The following GC variants were observed in gnomAD, a reference collection of about 807,000 sequenced individuals.
GC encodes vitamin D-binding protein.
A neutral mutation model predicts 56.7 loss-of-function variants in GC; 43 were observed. That is an observed-to-expected ratio of 0.76 (90% CI 0.59 to 0.98). The LOEUF (loss-of-function observed/expected upper bound fraction) is 0.98. Among genes scored for constraint, GC ranks in the 50% least tolerant of loss-of-function variants. The pLI is 0.00. For synonymous variants in GC, 216 were observed against 202.7 expected, an observed-to-expected ratio of 1.07 and a Z score of -0.56; for missense variants, 529 against 545.9, an observed-to-expected ratio of 0.97 and a Z score of 0.31.
At chr4:71,798,695 T>A (rs1429272411) in intron 1 of GC, among the ~76,000 whole-genome samples, 1 of 152,216 alleles carries the variant, frequency 6.6e-6, no homozygotes, top group African/African-American at 2.4e-5. Context: ...CTTTCTTTAT[T>A]AGTGTATTAA....
At chr4:71,789,924 C>A (rs1049295096) in intron 1 of GC, among the ~76,000 whole-genome samples, 2 of 151,772 alleles carry the variant, frequency 1.3e-5, no homozygotes, top group African/African-American at 2.4e-5. Context: ...TGCAGGCAGC[C>A]CCTAGATGCT....
At chr4:71,753,540 A>G (rs1257769297) in intron 10 of GC, among the ~76,000 whole-genome samples, 1 of 151,730 alleles carries the variant, frequency 6.6e-6, no homozygotes, top group East Asian at 1.9e-4. Flanking sequence ...GAAATTTACT[A>G]ACGTTAGGAA....
chr4:71,762,216 T>C (rs143078190), intron 6 of GC, among the ~76,000 whole-genome samples: 146 of 152,318 alleles, frequency 9.6e-4, no homozygotes, highest in Middle Eastern at 3.4e-3. Context: ...ATATGAGACA[T>C]GGAGTCAAAG....
chr4:71,744,026 A>C (rs191691073), intron 12 of GC, among the ~76,000 whole-genome samples: 3 of 152,292 alleles, frequency 2.0e-5, no homozygotes, highest in Non-Finnish European at 4.4e-5. Context: ...AATGATAAGA[A>C]ATTTCATTTC....
chr4:71,790,911 C>A (rs934507403), intron 1 of GC, among the ~76,000 whole-genome samples: 14 of 151,910 alleles, frequency 9.2e-5, no homozygotes, highest in Non-Finnish European at 1.5e-5. Flanking sequence ...AGCTATCCCT[C>A]CCCTCTCCCC....
chr4:71,767,642 A>G (rs1425862796), intron 3 of GC, among the ~76,000 whole-genome samples: 5 of 148,540 alleles, frequency 3.4e-5, no homozygotes, highest in Non-Finnish European at 7.4e-5. Flanking sequence ...TATAATATAT[A>G]AAATGTATAT....
At chr4:71,752,452 G>A in intron 11 of GC, 66 bp downstream of exon 11, 16 of 1,270,632 alleles carry the variant, frequency 1.3e-5, no homozygotes, top group Non-Finnish European at 1.8e-5. Context: ...AAAGAAATGA[G>A]TAGATTGGAG....
At chr4:71,759,944 A>G (rs1741907788) in intron 6 of GC, among the ~76,000 whole-genome samples, 1 of 152,186 alleles carries the variant, frequency 6.6e-6, no homozygotes, top group Non-Finnish European at 1.5e-5. Flanking sequence ...CTGTCAAACT[A>G]CTATCTCTAC....
chr4:71,795,065 G>A (rs1169022491), intron 1 of GC, among the ~76,000 whole-genome samples: 1 of 152,164 alleles, frequency 6.6e-6, no homozygotes, highest in Non-Finnish European at 1.5e-5. Flanking sequence ...GCTAGGAAGT[G>A]TTTTACTTCC....
chr4:71,742,774 A>G (rs1055337941), intron 12 of GC, among the ~76,000 whole-genome samples: 2 of 152,168 alleles, frequency 1.3e-5, no homozygotes, highest in African/African-American at 2.4e-5. Flanking sequence ...GAAGATGGAG[A>G]CCATCCTGGC....
intron 11 of GC, among the ~76,000 whole-genome samples, chr4:71,746,470 G>T (rs980218389): frequency 5.9e-5 from 9 of 151,780 alleles, no homozygotes; most frequent in African/African-American, 2.2e-4. Context: ...CTAATTATTG[G>T]GTGCAAACAG....
intron 10 of GC, among the ~76,000 whole-genome samples, chr4:71,753,415 G>A (rs1490396121): frequency 6.6e-6 from 1 of 150,902 alleles, no homozygotes; most frequent in Non-Finnish European, 1.5e-5. Context: ...GTTCATAAAA[G>A]CATTGTTGAA....
At chr4:71,799,616 G>T (rs1743200425) in intron 1 of GC, among the ~76,000 whole-genome samples, 1 of 152,208 alleles carries the variant, frequency 6.6e-6, no homozygotes, top group African/African-American at 2.4e-5. Context: ...GCTCTAAAGT[G>T]TGGGGGTCTC....
intron 1 of GC, among the ~76,000 whole-genome samples, chr4:71,789,987 A>T (rs1053954987): frequency 6.6e-6 from 1 of 151,926 alleles, no homozygotes; most frequent in Admixed American, 6.6e-5. Flanking sequence ...TCCCATTGAG[A>T]ATTTTAGCAC....
intron 4 of GC, 64 bp downstream of exon 4, chr4:71,765,368 G>A: frequency 3.9e-6 from 5 of 1,266,234 alleles, no homozygotes; most frequent in South Asian, 1.2e-5. Flanking sequence ...AGAGTAGGGG[G>A]TTAGATTAGA....
At position 71,756,706 on chromosome 4, in the gene GC, A is replaced by C. The variant is rs747611077; in HGVS notation, c.1034+6T>G. The stretch of plus-strand genomic sequence containing the variant: ...GGGAAAACGTTTTCACATCACCTCT[A>C]CTTACTTATCCATGACTTTGGTGTT... On this transcript the variant is annotated splice_donor_region_variant and intron_variant, in intron 8 of 12. Coordinates refer to ENST00000273951, the MANE Select transcript of GC (RefSeq NM_000583.4). The C allele has an allele frequency of 1.3e-6, 2 of 1,597,104 alleles. No individual in the cohort carries two copies. Among genetic ancestry groups the C allele is most frequent in the Admixed American group, 3.3e-5 (2 of 59,936 alleles).
At chr4:71,801,952 A>G (rs1239719123) in intron 1 of GC, among the ~76,000 whole-genome samples, 2 of 147,990 alleles carry the variant, frequency 1.4e-5, no homozygotes, top group Non-Finnish European at 1.5e-5. Flanking sequence ...AAAAATTAGT[A>G]TTAGTACTGG....
At chr4:71,771,352 T>C (rs1193367541) in intron 1 of GC, among the ~76,000 whole-genome samples, 1 of 152,026 alleles carries the variant, frequency 6.6e-6, no homozygotes, top group Non-Finnish European at 1.5e-5. Flanking sequence ...TTTTTAAAGA[T>C]TCTCTTTAGG....
In GC at chr4:71,755,061, G is replaced by A; in HGVS notation, c.1081C>T (p.Leu361Phe). 6.3e-7 allele frequency: 1 copy of A among 1,593,546 alleles called. No individual in the cohort carries two copies. The highest frequency in any genetic ancestry group is 8.6e-7 in the Non-Finnish European group (1 of 1,166,782). ...SRRTHLPEVFLSKVLEPTLKS... is the reference protein window; with the variant it reads ...SRRTHLPEVFFSKVLEPTLKS... ...AGGGTTGGCTCAAGTACCTTACTGA[G>A]GAATACTTCCGGAAGATGAGTCCTT... Residue 361 changes from leucine to phenylalanine, a missense_variant, in exon 9 of 13, where the codon CTC (leucine) becomes TTC (phenylalanine). Coordinates refer to ENST00000273951, the MANE Select transcript of GC (RefSeq NM_000583.4).
Sources: gnomAD v4.1 joint callset for allele counts (sites outside exome capture counted in the v4.1 genomes callset) on GRCh38, gnomAD v4.1.1 for gene constraint, MANE v1.5 for transcripts, NCBI Gene and HGNC (gene_info 2026-07-23, HGNC 2026-07-21) for gene names.